Variants in OR2A14 observed in about 807,000 individuals in gnomAD.
OR2A14 encodes olfactory receptor 2A14.
OR2A14 carries 2 observed loss-of-function variants against 2.4 expected under a neutral mutation model. The ratio of observed to expected loss-of-function variants is 0.85; its 90% CI spans 0.35 to 2.67. The LOEUF (loss-of-function observed/expected upper bound fraction) is 2.67, where lower values mean the gene tolerates loss of function less well. OR2A14 is among the 30% of genes most tolerant of loss of function. The probability of loss-of-function intolerance (pLI) is 0.10; values close to 1 mark genes in which losing one functional copy is unlikely to be tolerated. For synonymous variants in OR2A14, 160 were observed against 156.3 expected (o/e 1.02, Z -0.18); for missense variants, 390 against 379.4 (o/e 1.03, Z -0.23).
At position 144,129,991 on chromosome 7, in the gene OR2A14, T is replaced by C; in HGVS notation, c.879T>C (p.Asn293=). 6.2e-7 allele frequency: 1 copy of C among 1,614,160 alleles called. No individual in the cohort carries two copies. Among genetic ancestry groups the C allele is most frequent in the Non-Finnish European group, 8.5e-7 (1 of 1,180,008 alleles). ...ACCCCCTGATATATAGCCTAAGGAA[T>C]GCAGAGGTCAAGGGCGCCCTGAGGA... ...MLNPLIYSLR[N]AEVKGALRRA... is the part of the protein sequence containing the mutation. The change falls in exon 2 of 2, where the codon AAT becomes AAC. Residue 293 remains asparagine (N), a synonymous_variant. Coordinates refer to ENST00000641068, the MANE Select transcript of OR2A14 (RefSeq NM_001001659.3).
chr7:144,129,982 C>T lies in OR2A14; in HGVS notation c.870C>T (p.Ser290=), dbSNP rs1340083651. 1 of 1,614,122 alleles carries T rather than the reference C, an allele frequency of 6.2e-7. No homozygotes were observed. Among genetic ancestry groups the T allele is most frequent in the Non-Finnish European group, 8.5e-7 (1 of 1,180,008 alleles). The stretch of plus-strand genomic sequence containing the variant: ...CAATGCTGAACCCCCTGATATATAG[C>T]CTAAGGAATGCAGAGGTCAAGGGCG... ...FNPMLNPLIY[S]LRNAEVKGAL... The change falls in exon 2 of 2, where the codon AGC becomes AGT. Residue 290 remains serine, a synonymous_variant. Transcript: ENST00000641068.
Position 144,129,303 on chromosome 7 carries a change from AC to A in OR2A14, c.193del (p.Leu65TrpfsTer17), listed in dbSNP as rs1563053893. 10 of 1,613,954 alleles carry A rather than the reference AC, an allele frequency of 6.2e-6. No individual in the cohort carries two copies. In the South Asian group the frequency reaches 1.1e-4, roughly 18 times the overall value. The part of the protein sequence containing the change: ...LHTPMYFFLS[H>X]LAIVDISYAS... ...ACACCCATGTACTTCTTCCTCTCAC[AC>A]CTGGCCATTGTTGACATATCCTATG... is the stretch of plus-strand genomic sequence containing the variant. On this transcript the variant is annotated frameshift_variant, in exon 2 of 2. Coordinates refer to ENST00000641068, the MANE Select transcript of OR2A14 (RefSeq NM_001001659.3). LOFTEE classifies it low-confidence loss of function (END_TRUNC).
At chr7:144,125,080 T>C (rs1392744413) in intron 1 of OR2A14, among the ~76,000 whole-genome samples, 2 of 152,232 alleles carry the variant, frequency 1.3e-5, no homozygotes, top group Non-Finnish European at 1.5e-5. Context: ...ACCAGTGCGA[T>C]GGTATTTCTT....
At position 144,129,778 on chromosome 7, in the gene OR2A14, C is replaced by T. The variant is rs773698940; in HGVS notation, c.666C>T (p.Ala222=). ...TGGTCTCCTACTTGCGCATCCTGGC[C>T]GCCATCTTGAGGATCCAGTCTGGGG... ...LVLVSYLRIL[A]AILRIQSGEG... is the part of the protein sequence containing the mutation. Residue 222 remains alanine, a synonymous_variant, in exon 2 of 2, where the codon GCC becomes GCT. Coordinates refer to ENST00000641068, the MANE Select transcript of OR2A14 (RefSeq NM_001001659.3). The T allele has an allele frequency of 2.0e-5, 33 of 1,613,842 alleles. No individual in the cohort carries two copies. Among genetic ancestry groups the T allele is most frequent in the East Asian group, 6.7e-5 (3 of 44,882 alleles).
At chr7:144,128,798 C>T (rs2051502516) in intron 1 of OR2A14, among the ~76,000 whole-genome samples, 1 of 152,178 alleles carries the variant, frequency 6.6e-6, no homozygotes, top group Non-Finnish European at 1.5e-5. Context: ...TTCAAAATAA[C>T]ACATGTGCGT....
At position 144,129,800 on chromosome 7, in the gene OR2A14, G is replaced by T; in HGVS notation, c.688G>T (p.Gly230Trp). Residue 230 changes from glycine to tryptophan, a missense_variant, in exon 2 of 2, where the codon GGG (glycine) becomes TGG (tryptophan). Gly to Trp is a radical substitution (Grantham distance 184, BLOSUM62 -2). Transcript: ENST00000641068. ...ILAAILRIQS[G>W]EGRRKAFSTC... ...GGCCGCCATCTTGAGGATCCAGTCT[G>T]GGGAGGGCCGCAGAAAGGCCTTCTC... is the stretch of plus-strand genomic sequence containing the variant. The T allele has an allele frequency of 1.9e-6, 3 of 1,614,062 alleles. No individual in the cohort carries two copies. Among genetic ancestry groups the T allele is most frequent in the Non-Finnish European group, 2.5e-6 (3 of 1,180,020 alleles).
chr7:144,125,896 T>A (rs564012022), intron 1 of OR2A14, among the ~76,000 whole-genome samples: 1 of 152,220 alleles, frequency 6.6e-6, no homozygotes, highest in Non-Finnish European at 1.5e-5. Flanking sequence ...GACTGGATTT[T>A]TTTTTTACTC....
At position 144,130,254 on chromosome 7, in the gene OR2A14, C is replaced by A. The variant is rs940876523; in HGVS notation, c.*209C>A. On this transcript the variant is annotated 3_prime_UTR_variant, in exon 2 of 2. Transcript: ENST00000641068. The stretch of plus-strand genomic sequence containing the variant: ...TAGGCATAAATTCATAAAGAAGACA[C>A]AAAAGTCCCTAGATATAAAATTTTT... The A allele has an allele frequency of 4.7e-6, 2 of 422,848 alleles. No homozygotes were observed. 26.2% of individuals were successfully genotyped at this position (422,848 alleles called of 1,614,324 possible).
At chr7:144,123,622 G>A (rs901251453) in intron 1 of OR2A14, among the ~76,000 whole-genome samples, 2 of 152,262 alleles carry the variant, frequency 1.3e-5, no homozygotes, top group South Asian at 2.1e-4. Flanking sequence ...GGGGCTATGC[G>A]GCTCAGGTGA....
intron 1 of OR2A14, among the ~76,000 whole-genome samples, chr7:144,127,202 A>G (rs1343478138): frequency 2.6e-5 from 4 of 152,242 alleles, no homozygotes; most frequent in African/African-American, 4.8e-5. Flanking sequence ...GAAACAGATC[A>G]TGCACTCAAG....
Position 144,129,082 on chromosome 7 carries a change from TG to T in OR2A14, c.-30del. The T allele has an allele frequency of 6.4e-7, 1 of 1,569,772 alleles. No homozygotes were observed. The highest frequency in any genetic ancestry group is 2.2e-5 in the East Asian group (1 of 44,450). On this transcript the variant is annotated 5_prime_UTR_variant, in exon 2 of 2. It removes the in-frame stop codon of an upstream open reading frame in the 5' UTR. Coordinates refer to ENST00000641068, the MANE Select transcript of OR2A14 (RefSeq NM_001001659.3). ...TGCATCTTTGACTGGCCCACAGCTC[TG>T]ACCTTCCTGTCCTAGATGTCCACAA...
Position 144,129,510 on chromosome 7 carries a change from G to C in OR2A14, c.398G>C (p.Ser133Thr), listed in dbSNP as rs2961160. The C allele has an allele frequency of 1.2e-5, 20 of 1,613,738 alleles. No homozygotes were observed. Among genetic ancestry groups the C allele is most frequent in the Non-Finnish European group, 1.7e-6 (2 of 1,179,928 alleles). Residue 133 changes from serine (S) to threonine (T), a missense_variant, in exon 2 of 2, where the codon AGC (serine) becomes ACC (threonine). Physicochemically the swap from Ser to Thr is moderately conservative, Grantham distance 58. Transcript: ENST00000641068. ...ADICHPLRYN[S>T]LMSWRVCTVL... The stretch of plus-strand genomic sequence containing the variant: ...ATCTGCCACCCCTTACGTTACAATA[G>C]CCTCATGAGCTGGAGAGTGTGCACT...
chr7:144,129,987 G>A lies in OR2A14; in HGVS notation c.875G>A (p.Arg292Lys), dbSNP rs1323672350. The A allele has an allele frequency of 1.9e-6, 3 of 1,614,082 alleles. No individual in the cohort carries two copies. The highest frequency in any genetic ancestry group is 2.5e-6 in the Non-Finnish European group (3 of 1,180,036). ...PMLNPLIYSL[R>K]NAEVKGALRR... Reference sequence around the variant, plus strand: ...CTGAACCCCCTGATATATAGCCTAAGGAATGCAGAGGTCAAGGGCGCCCTG... The same window carrying A: ...CTGAACCCCCTGATATATAGCCTAAAGAATGCAGAGGTCAAGGGCGCCCTG... The change falls in exon 2 of 2, where the codon AGG (arginine) becomes AAG (lysine). Residue 292 changes from arginine (R) to lysine (K), a missense_variant. Physicochemically the swap from Arg to Lys is conservative, Grantham distance 26 (BLOSUM62 2). Coordinates refer to ENST00000641068, the MANE Select transcript of OR2A14 (RefSeq NM_001001659.3).
chr7:144,130,099 A>T lies in OR2A14; in HGVS notation c.*54A>T. 1 of 1,390,402 alleles carries T rather than the reference A, an allele frequency of 7.2e-7. No homozygotes were observed. Among genetic ancestry groups the T allele is most frequent in the Non-Finnish European group, 9.6e-7 (1 of 1,046,080 alleles). The allele number at this position is 1,390,402 out of a possible 1,614,324, so 86.1% of individuals were successfully genotyped here. A position where few individuals can be genotyped will look rare whatever the true frequency, so the allele number is the denominator to read the frequency against. On this transcript the variant is annotated 3_prime_UTR_variant, in exon 2 of 2. Transcript: ENST00000641068. ...AGCCTTGCTCCCTGCAAAATATAGA[A>T]GTTGGCTTTTTTTTTTTGTCTTCTG...
rs957995407 is a variant in OR2A14, at chr7:144,124,750, T to C, written c.-35+1486T>C. 3.9e-5 allele frequency among the ~76,000 whole-genome samples: 6 copies of C among 152,310 alleles called. No homozygotes were observed. The East Asian group carries it at 1.2e-3, about 29-fold the overall frequency. On this transcript the variant is annotated intron_variant, in intron 1 of 1. Coordinates refer to ENST00000641068, the MANE Select transcript of OR2A14 (RefSeq NM_001001659.3). ...TATTTAGCATGGTGGGATTGACCTC[T>C]TACTATTACAGCCTGTATTTTTTTT... is the stretch of plus-strand genomic sequence containing the variant.
At chr7:144,124,706 C>T (rs2051469680) in intron 1 of OR2A14, among the ~76,000 whole-genome samples, 1 of 152,058 alleles carries the variant, frequency 6.6e-6, no homozygotes, top group Non-Finnish European at 1.5e-5. Flanking sequence ...AAAAATTAAT[C>T]CTCTCTCTAT....
intron 1 of OR2A14, among the ~76,000 whole-genome samples, chr7:144,128,872 A>G (rs968717296): frequency 1.3e-5 from 2 of 152,228 alleles, no homozygotes; most frequent in East Asian, 1.9e-4. Flanking sequence ...ATTAAATGTT[A>G]TATACATGTA....
chr7:144,130,013 A>G lies in OR2A14; in HGVS notation c.901A>G (p.Arg301Gly). The G allele has an allele frequency of 1.9e-6, 3 of 1,613,718 alleles. No individual in the cohort carries two copies. Among genetic ancestry groups the G allele is most frequent in the Non-Finnish European group, 2.5e-6 (3 of 1,179,668 alleles). Residue 301 changes from arginine (R) to glycine (G), a missense_variant, in exon 2 of 2, where the codon AGG (arginine) becomes GGG (glycine). Arg to Gly is a moderately radical substitution (Grantham distance 125). Transcript: ENST00000641068. ...LRNAEVKGAL[R>G]RALRKERLT The stretch of plus-strand genomic sequence containing the variant: ...GAATGCAGAGGTCAAGGGCGCCCTG[A>G]GGAGGGCACTGAGGAAGGAGAGGCT...
chr7:144,129,752 C>G lies in OR2A14; in HGVS notation c.640C>G (p.Leu214Val). 1 of 1,614,026 alleles carries G rather than the reference C, an allele frequency of 6.2e-7. No individual in the cohort carries two copies. Among genetic ancestry groups the G allele is most frequent in the South Asian group, 1.1e-5 (1 of 91,072 alleles). Residue 214 changes from leucine to valine, a missense_variant, in exon 2 of 2, where the codon CTG becomes GTG. Transcript: ENST00000641068. The stretch of plus-strand genomic sequence containing the variant: ...CCTGGTGGGGCCACTCTGCCTGGTG[C>G]TGGTCTCCTACTTGCGCATCCTGGC... ...FILVGPLCLVLVSYLRILAAI... is the reference protein window; with the variant it reads ...FILVGPLCLVVVSYLRILAAI...
Sources: allele counts gnomAD v4.1 joint callset (sites outside exome capture counted in the v4.1 genomes callset), GRCh38; gene constraint gnomAD v4.1.1; transcripts MANE v1.5; gene names NCBI Gene and HGNC (gene_info 2026-07-23, HGNC 2026-07-21).